The following ANKRD28 variants were observed in gnomAD, a reference collection of about 807,000 sequenced individuals.
ANKRD28 encodes serine/threonine-protein phosphatase 6 regulatory ankyrin repeat subunit A.
Under a neutral mutation model 126.5 loss-of-function variants are expected in ANKRD28, and 44 were observed. The ratio of observed to expected loss-of-function variants is 0.35; its 90% CI spans 0.27 to 0.45. The LOEUF is 0.45. Ranked by LOEUF, ANKRD28 falls within the 20% of genes least tolerant of loss-of-function variation. The pLI is 1.00. For missense variants in ANKRD28, 1,110 were observed against 1,316.6 expected (o/e 0.84, Z 2.43); for synonymous variants, 442 against 468.5 (o/e 0.94, Z 0.73).
At chr3:15,680,348 C>T (rs1166051047) in intron 21 of ANKRD28, among the ~76,000 whole-genome samples, 6 of 151,958 alleles carry the variant, frequency 3.9e-5, no homozygotes, top group African/African-American at 7.2e-5. Context: ...GGACTACAGG[C>T]GCCCACCACC....
chr3:15,764,968 G>T (rs2058672873), intron 3 of ANKRD28, among the ~76,000 whole-genome samples: 2 of 151,388 alleles, frequency 1.3e-5, no homozygotes. Flanking sequence ...TTATGAATTT[G>T]TAACGGCAAA....
chr3:15,859,155 G>C (rs1056779098), intron 1 of ANKRD28, among the ~76,000 whole-genome samples: 2 of 152,194 alleles, frequency 1.3e-5, no homozygotes, highest in South Asian at 2.1e-4. Flanking sequence ...GCAGCGGCTA[G>C]ACCCCCGTCG....
Position 15,670,452 on chromosome 3 carries a change from A to G in ANKRD28, c.3070T>C (p.Ser1024Pro). ...MPVSSSSPLS[S>P]LTFNAINRYT... ...CGGTTAATGGCATTGAATGTTAAGGATGATAAAGGACTACTTGATGAGACA... is the reference window on the plus strand; with the variant it reads ...CGGTTAATGGCATTGAATGTTAAGGGTGATAAAGGACTACTTGATGAGACA... Residue 1024 changes from serine to proline, a missense_variant, in exon 28 of 28, where the codon TCC becomes CCC. Physicochemically the swap from Ser to Pro is moderately conservative, Grantham distance 74. Coordinates refer to ENST00000683139, the MANE Select transcript of ANKRD28 (RefSeq NM_001349278.2). 1 of 1,613,998 alleles carries G rather than the reference A, an allele frequency of 6.2e-7. No homozygotes were observed. Among genetic ancestry groups the G allele is most frequent in the Non-Finnish European group, 8.5e-7 (1 of 1,179,888 alleles).
chr3:15,771,067 A>T (rs1280573140), intron 2 of ANKRD28, among the ~76,000 whole-genome samples: 2 of 152,206 alleles, frequency 1.3e-5, no homozygotes, highest in Non-Finnish European at 2.9e-5. Context: ...TGGGTTATTT[A>T]TAAAGAAAAG....
At chr3:15,686,520 A>G in intron 18 of ANKRD28, 1 of 568,038 alleles carries the variant, frequency 1.8e-6, no homozygotes. Flanking sequence ...AAAACATGAC[A>G]GGCAGACCGC....
At chr3:15,824,873 C>T (rs2061024997) in intron 1 of ANKRD28, among the ~76,000 whole-genome samples, 1 of 152,182 alleles carries the variant, frequency 6.6e-6, no homozygotes, top group Admixed American at 6.5e-5. Flanking sequence ...TGCAGGAGGA[C>T]AGACTGGTAG....
chr3:15,855,043 G>A (rs774647322), intron 1 of ANKRD28, among the ~76,000 whole-genome samples: 7 of 151,924 alleles, frequency 4.6e-5, no homozygotes, highest in Non-Finnish European at 8.8e-5. Flanking sequence ...GCAAGACTCC[G>A]TCTCAAAAAA....
Position 15,707,945 on chromosome 3 carries a change from G to C in ANKRD28, c.1526C>G (p.Ala509Gly), listed in dbSNP as rs777517129. The C allele has an allele frequency of 1.9e-5, 31 of 1,613,184 alleles. No individual in the cohort carries two copies. Among genetic ancestry groups the C allele is most frequent in the Non-Finnish European group, 2.4e-5 (28 of 1,179,546 alleles). Residue 509 changes from alanine (A) to glycine (G), a missense_variant, in exon 14 of 28, where the codon GCT (alanine) becomes GGT (glycine). Ala to Gly is a moderately conservative substitution (Grantham distance 60). Coordinates refer to ENST00000683139, the MANE Select transcript of ANKRD28 (RefSeq NM_001349278.2). ...ERGCTPLHYAATSDTDGKCLE... is the reference protein window; with the variant it reads ...ERGCTPLHYAGTSDTDGKCLE... ...TTACTTGCCATCTGTGTCTGATGTA[G>C]CTGCATAGTGCAGGGGTGTGCAGCC...
rs2061363224 is a variant in ANKRD28 at position 15,838,358 on chromosome 3, C to A, written c.27+21019G>T. On this transcript the variant is annotated intron_variant, in intron 1 of 27. Coordinates refer to the ANKRD28 transcript ENST00000399451. This position sits in a 1 kb window ranked among gnomAD's most constrained non-coding sequence, Gnocchi z 4.0. ...CTAACAAAATATCAGCAAACCAAAT[C>A]CAGCAGCATACAATAGGAATCATAC... Among the ~76,000 whole-genome samples the A allele has an allele frequency of 6.6e-6, 1 of 152,116 alleles. No individual in the cohort carries two copies. Among genetic ancestry groups the A allele is most frequent in the Non-Finnish European group, 1.5e-5 (1 of 68,012 alleles).
rs150995732 is a variant in ANKRD28, at chr3:15,789,519, T to A, written c.201+5704A>T. On this transcript the variant is annotated intron_variant, in intron 2 of 27. Transcript: ENST00000683139. The stretch of plus-strand genomic sequence containing the variant: ...TCTTTGGTTGTCTCCCATAAGTACA[T>A]GATACAGCAGTCATCTCTTTATTAT... Among the ~76,000 whole-genome samples, 647 of 152,170 alleles carry A rather than the reference T, an allele frequency of 4.3e-3. 5 individuals are homozygous for A. The highest frequency in any genetic ancestry group is 0.019 in the East Asian group (101 of 5,188).
At chr3:15,805,761 G>A (rs2060563943) in intron 1 of ANKRD28, among the ~76,000 whole-genome samples, 1 of 152,124 alleles carries the variant, frequency 6.6e-6, no homozygotes, top group Admixed American at 6.5e-5. Flanking sequence ...AAGCTGAAGG[G>A]AGAAAATTTT....
chr3:15,726,742 G>A (rs2074199765), intron 6 of ANKRD28, among the ~76,000 whole-genome samples: 1 of 152,218 alleles, frequency 6.6e-6, no homozygotes, highest in Non-Finnish European at 1.5e-5. Context: ...CCTTCTATTG[G>A]AAGATGCCAT....
intron 1 of ANKRD28, among the ~76,000 whole-genome samples, chr3:15,848,691 T>C (rs2125988179): frequency 6.6e-6 from 1 of 151,112 alleles, no homozygotes; most frequent in Non-Finnish European, 1.5e-5. Context: ...AAAAAAAATA[T>C]AGCAGCAGCT....
chr3:15,738,881 G>A (rs1219772194), intron 4 of ANKRD28: 1 of 152,188 alleles, frequency 6.6e-6, no homozygotes, highest in Admixed American at 6.5e-5. Context: ...TAAAAAGACA[G>A]ACGTTCCCAG....
In ANKRD28 at chr3:15,843,843, G is replaced by A. The variant is rs867053660; in HGVS notation, c.27+15534C>T. Among the ~76,000 whole-genome samples the A allele has an allele frequency of 6.6e-6, 1 of 151,986 alleles. No homozygotes were observed. ...TTACAATAAGCAAGGGTATCAATAC[G>A]AAAGCAATGGGCAAGTTGCAAGAGG... On this transcript the variant is annotated intron_variant, in intron 1 of 27. Coordinates refer to the ANKRD28 transcript ENST00000399451. The surrounding 1 kb of genome is among the most constrained non-coding windows in gnomAD (Gnocchi z 5.2).
At chr3:15,849,948 A>G (rs541276090) in intron 1 of ANKRD28, among the ~76,000 whole-genome samples, 24 of 151,990 alleles carry the variant, frequency 1.6e-4, no homozygotes, top group Non-Finnish European at 3.4e-4. Context: ...GCCAAGTAAG[A>G]GGTTAAAGCA....
chr3:15,817,211 C>T lies in ANKRD28; in HGVS notation c.28-21905G>A, dbSNP rs549108476. Among the ~76,000 whole-genome samples, 8 of 152,226 alleles carry T rather than the reference C, an allele frequency of 5.3e-5. No homozygotes were observed. The highest frequency in any genetic ancestry group is 4.8e-5 in the African/African-American group (2 of 41,530). ...TGTAACAGTGATGAACAATTTCTCACGCACAAACATTTCACATACTGATGA... is the reference window on the plus strand; with the variant it reads ...TGTAACAGTGATGAACAATTTCTCATGCACAAACATTTCACATACTGATGA... On this transcript the variant is annotated intron_variant, in intron 1 of 27. Coordinates refer to the ANKRD28 transcript ENST00000399451. This position sits in a 1 kb window ranked among gnomAD's most constrained non-coding sequence, Gnocchi z 4.5.
chr3:15,728,882 T>C (rs2074379378), intron 6 of ANKRD28, among the ~76,000 whole-genome samples: 1 of 152,234 alleles, frequency 6.6e-6, no homozygotes, highest in South Asian at 2.1e-4. Flanking sequence ...TACTGTGTGA[T>C]GGTTAACAAT....
intron 4 of ANKRD28, among the ~76,000 whole-genome samples, chr3:15,743,962 A>G (rs763899033): frequency 1.3e-5 from 2 of 152,260 alleles, no homozygotes; most frequent in Non-Finnish European, 2.9e-5. Flanking sequence ...ATCAGCTTGC[A>G]CAGGATTTAA....
Sources: allele counts gnomAD v4.1 joint callset (sites outside exome capture counted in the v4.1 genomes callset), GRCh38; gene constraint gnomAD v4.1.1; non-coding constraint Gnocchi (gnomAD v3.1); transcripts MANE v1.5; gene names NCBI Gene and HGNC (gene_info 2026-07-23, HGNC 2026-07-21).